Variants in SDK1 observed in about 807,000 individuals in gnomAD.
The protein encoded by SDK1 is protein sidekick-1.
SDK1 carries 157 observed loss-of-function variants against 245.5 expected under a neutral mutation model. The ratio of observed to expected loss-of-function variants is 0.64; its 90% CI spans 0.56 to 0.73. The LOEUF is 0.73. Ranked by LOEUF, SDK1 falls within the 30% of genes least tolerant of loss-of-function variation. The pLI is 0.00. For synonymous variants in SDK1, 1,647 were observed against 1,278.5 expected (o/e 1.29, Z -6.15); for missense variants, 3,583 against 3,002.3 (o/e 1.19, Z -4.52).
chr7:3,948,376 G>A (rs1780661799), intron 5 of SDK1, among the ~76,000 whole-genome samples: 1 of 149,130 alleles, frequency 6.7e-6, no homozygotes, highest in South Asian at 2.1e-4. Context: ...TCCTGCCTCA[G>A]TCTCCCGAGT....
intron 1 of SDK1, among the ~76,000 whole-genome samples, chr7:3,598,236 A>C (rs565352135): frequency 6.6e-6 from 1 of 152,234 alleles, no homozygotes; most frequent in East Asian, 1.9e-4. Flanking sequence ...CATTTTATTT[A>C]TATATTTCCA....
At chr7:3,319,563 T>C (rs1440066408) in intron 1 of SDK1, among the ~76,000 whole-genome samples, 3 of 152,282 alleles carry the variant, frequency 2.0e-5, no homozygotes, top group Non-Finnish European at 4.4e-5. Flanking sequence ...ATTACTTACA[T>C]GATACATATA....
intron 2 of SDK1, among the ~76,000 whole-genome samples, chr7:3,630,556 A>G (rs1235447300): frequency 3.3e-5 from 5 of 152,192 alleles, no homozygotes; most frequent in Non-Finnish European, 7.3e-5. Flanking sequence ...GAATCCCTTG[A>G]ACCCAGGAGG....
At chr7:3,356,525 A>G (rs1469091970) in intron 1 of SDK1, among the ~76,000 whole-genome samples, 2 of 152,108 alleles carry the variant, frequency 1.3e-5, no homozygotes, top group Non-Finnish European at 2.9e-5. Flanking sequence ...ATTTTTGCTT[A>G]CCATTGGATT....
At chr7:3,867,785 G>A (rs901738895) in intron 5 of SDK1, among the ~76,000 whole-genome samples, 1 of 152,196 alleles carries the variant, frequency 6.6e-6, no homozygotes, top group African/African-American at 2.4e-5. Flanking sequence ...TGGCTTTGGG[G>A]TAGTGTGCTT....
At chr7:3,509,722 C>A (rs1444842956) in intron 1 of SDK1, among the ~76,000 whole-genome samples, 1 of 152,194 alleles carries the variant, frequency 6.6e-6, no homozygotes, top group African/African-American at 2.4e-5. Context: ...CAGAGAGCAG[C>A]AGCCAGACAT....
intron 41 of SDK1, 68 bp from the exon 42 acceptor site, chr7:4,237,579 A>G: frequency 6.3e-7 from 1 of 1,583,476 alleles, no homozygotes; most frequent in Non-Finnish European, 8.7e-7. Context: ...CAACCACCTG[A>G]CTCGCGGGAG....
At chr7:3,351,461 A>G (rs1780658337) in intron 1 of SDK1, among the ~76,000 whole-genome samples, 2 of 152,144 alleles carry the variant, frequency 1.3e-5, no homozygotes, top group Admixed American at 6.5e-5. Context: ...AGTGTCAGTA[A>G]TTACAATAAA....
At chr7:4,125,168 GTGGA>G (rs367956909) in intron 25 of SDK1, among the ~76,000 whole-genome samples, 2,952 of 139,688 alleles carry the variant, frequency 0.021, 122 homozygotes, top group African/African-American at 0.076. Context: ...GGATGGATGG[GTGGA>G]TGGATGGATG....
At chr7:3,406,934 A>T (rs570419889) in intron 1 of SDK1, among the ~76,000 whole-genome samples, 1 of 151,856 alleles carries the variant, frequency 6.6e-6, no homozygotes. Context: ...AGCAGAAAAT[A>T]TCCTTTTTTA....
At chr7:3,650,818 G>C (rs1782990973) in intron 4 of SDK1, among the ~76,000 whole-genome samples, 1 of 127,476 alleles carries the variant, frequency 7.8e-6, no homozygotes. Flanking sequence ...GTGACCTGTG[G>C]GGATTGGTTT....
At chr7:3,418,412 C>G (rs2128580018) in intron 1 of SDK1, among the ~76,000 whole-genome samples, 1 of 152,236 alleles carries the variant, frequency 6.6e-6, no homozygotes, top group South Asian at 2.1e-4. Context: ...GAGTCACTGG[C>G]AGGTGGTGCA....
chr7:3,650,526 G>C (rs1016634919), intron 4 of SDK1, among the ~76,000 whole-genome samples: 31 of 151,984 alleles, frequency 2.0e-4, no homozygotes, highest in Admixed American at 7.2e-4. Context: ...ACAGTCAAAA[G>C]AAATAATGTA....
intron 20 of SDK1, among the ~76,000 whole-genome samples, chr7:4,070,538 C>T (rs1394251579): frequency 6.6e-6 from 1 of 152,130 alleles, no homozygotes; most frequent in Admixed American, 6.5e-5. Flanking sequence ...TGTGTTCCTA[C>T]AGTGACCTCT....
At chr7:4,146,818 G>A (rs565514507) in intron 29 of SDK1, among the ~76,000 whole-genome samples, 11 of 152,350 alleles carry the variant, frequency 7.2e-5, no homozygotes, top group African/African-American at 2.6e-4. Flanking sequence ...AGCCCACGGA[G>A]CAGCATGGCA....
intron 1 of SDK1, among the ~76,000 whole-genome samples, chr7:3,499,858 A>C (rs1231044267): frequency 1.3e-5 from 2 of 152,170 alleles, no homozygotes; most frequent in Admixed American, 1.3e-4. Flanking sequence ...TTTGAGGGTC[A>C]TGTGTCACAT....
intron 5 of SDK1, among the ~76,000 whole-genome samples, chr7:3,875,796 A>C (rs1213356045): frequency 6.6e-6 from 1 of 152,026 alleles, no homozygotes; most frequent in Non-Finnish European, 1.5e-5. Context: ...CTTTGTGGAT[A>C]CCCCTGAAAC....
At chr7:4,144,280 C>G (rs1232684392) in intron 28 of SDK1, among the ~76,000 whole-genome samples, 1 of 152,158 alleles carries the variant, frequency 6.6e-6, no homozygotes, top group Non-Finnish European at 1.5e-5. Flanking sequence ...TCCAGGAAGT[C>G]TCAGAACTCC....
At chr7:3,407,887 C>A (rs1339726640) in intron 1 of SDK1, among the ~76,000 whole-genome samples, 1 of 152,116 alleles carries the variant, frequency 6.6e-6, no homozygotes, top group Non-Finnish European at 1.5e-5. Context: ...TCCTACCAGG[C>A]TCTGGAGAAA....
Sources: gnomAD v4.1 joint callset for allele counts (sites outside exome capture counted in the v4.1 genomes callset) on GRCh38, gnomAD v4.1.1 for gene constraint, MANE v1.5 for transcripts, NCBI Gene and HGNC (gene_info 2026-07-23, HGNC 2026-07-21) for gene names.